Variants in FAM217A observed in about 807,000 individuals in gnomAD.
FAM217A encodes protein FAM217A.
FAM217A carries 13 observed loss-of-function variants against 18.5 expected under a neutral mutation model. The observed-to-expected ratio is 0.70, with a 90% CI of 0.46 to 1.12. The LOEUF (loss-of-function observed/expected upper bound fraction) is 1.12. Among genes scored for constraint, FAM217A ranks in the 50% most tolerant of loss-of-function variants. FAM217A has a pLI of 0.00. For synonymous variants in FAM217A, 161 were observed against 202.8 expected, an observed-to-expected ratio of 0.79 and a Z score of 1.75; for missense variants, 560 against 575.4, an observed-to-expected ratio of 0.97 and a Z score of 0.27.
chr6:4,085,311 A>AAATATATATATAT (rs377046907), intron 1 of FAM217A, among the ~76,000 whole-genome samples: 12 of 146,436 alleles, frequency 8.2e-5, no homozygotes, highest in Admixed American at 2.1e-4. Context: ...TGTAAAAAAA[A>AAATATATATATAT]ATATATATAT....
At chr6:4,076,580 T>C (rs995826811) in intron 2 of FAM217A, among the ~76,000 whole-genome samples, 2 of 152,140 alleles carry the variant, frequency 1.3e-5, no homozygotes, top group African/African-American at 4.8e-5. Context: ...AATTCTAAAA[T>C]AAAATTAATG....
In FAM217A at chr6:4,069,594, T is replaced by C; in HGVS notation, c.629A>G (p.Lys210Arg). The C allele has an allele frequency of 6.2e-7, 1 of 1,614,152 alleles. No individual in the cohort carries two copies. The highest frequency in any genetic ancestry group is 1.3e-5 in the African/African-American group (1 of 75,056). ...ATAGCTGAGTAAAGTATCATTTGTCTTCTCATTTTCTGATAAATCACTTTC... is the reference window on the plus strand; with the variant it reads ...ATAGCTGAGTAAAGTATCATTTGTCCTCTCATTTTCTGATAAATCACTTTC... ...TDESDLSENEKTNDTLLSYFK... is the reference protein window; with the variant it reads ...TDESDLSENERTNDTLLSYFK... Residue 210 changes from lysine (K) to arginine (R), a missense_variant, in exon 7 of 7, where the codon AAG becomes AGG. Lys to Arg is a conservative substitution (Grantham distance 26). Transcript: ENST00000274673.
At chr6:4,079,504 TC>T (rs1770114463), upstream of FAM217A, 1 of 629,116 alleles carries the variant, frequency 1.6e-6, no homozygotes, top group South Asian at 1.9e-5. Context: ...CTGGGCCTCC[TC>T]GGGCTTCCTT....
exon 2 of FAM217A, chr6:4,084,621 C>A: frequency 1.4e-6 from 1 of 702,950 alleles, no homozygotes; most frequent in South Asian, 1.5e-5. Flanking sequence ...CCTTTCTGGT[C>A]GTCAGACCCC....
chr6:4,082,746 C>T (rs1770382574), upstream of FAM217A, among the ~76,000 whole-genome samples: 1 of 152,218 alleles, frequency 6.6e-6, no homozygotes, highest in South Asian at 2.1e-4. Flanking sequence ...CTTTGTTGAA[C>T]CTAAGCATAA....
At chr6:4,087,165 C>G, upstream of FAM217A, 1 of 468,044 alleles carries the variant, frequency 2.1e-6, no homozygotes, top group Non-Finnish European at 3.5e-6. Flanking sequence ...CTACAAAGTA[C>G]CAGATGGGAA....
In FAM217A at chr6:4,073,274, C is replaced by T. The variant is rs769680926; in HGVS notation, c.302+1G>A. ...GTGTTACAAAATAACTACTCGCTTA[C>T]CTCTTCTCTATGGTACTTCCTTCAT... On this transcript the variant is annotated splice_donor_variant, in intron 6 of 6. Transcript: ENST00000274673. LOFTEE classifies it high-confidence loss of function. 25 of 1,600,806 alleles carry T rather than the reference C, an allele frequency of 1.6e-5. No individual in the cohort carries two copies. In the East Asian group the frequency reaches 5.2e-4, roughly 33 times the overall value.
At chr6:4,081,283 T>A (rs1770277298), upstream of FAM217A, among the ~76,000 whole-genome samples, 1 of 152,002 alleles carries the variant, frequency 6.6e-6, no homozygotes, top group South Asian at 2.1e-4. Context: ...TTATTCCTAT[T>A]TTATTTCTTA....
At chr6:4,079,176 C>G, upstream of FAM217A, 1 of 318,598 alleles carries the variant, frequency 3.1e-6, no homozygotes, top group Non-Finnish European at 5.7e-6. Context: ...GCGGGGGCGC[C>G]CGGGGAGGCC....
chr6:4,075,535 T>C (rs898303160), intron 2 of FAM217A, among the ~76,000 whole-genome samples: 1 of 152,044 alleles, frequency 6.6e-6, no homozygotes, highest in Admixed American at 6.6e-5. Flanking sequence ...TAATAACAAC[T>C]GAGTATTTAT....
chr6:4,084,819 C>T (rs1431875746), intron 1 of FAM217A: 2 of 701,202 alleles, frequency 2.9e-6, no homozygotes, highest in African/African-American at 3.5e-5. Flanking sequence ...CTCTTAGGAA[C>T]AGAAAAAGGA....
chr6:4,077,241 C>T (rs2075118276), intron 2 of FAM217A, 114 bp downstream of exon 2: 2 of 979,522 alleles, frequency 2.0e-6, no homozygotes, highest in Non-Finnish European at 3.1e-6. Flanking sequence ...ACAGGATAAA[C>T]TGCCCACGAT....
upstream of FAM217A, among the ~76,000 whole-genome samples, chr6:4,082,831 G>A (rs1049502096): frequency 2.6e-5 from 4 of 152,166 alleles, no homozygotes; most frequent in Non-Finnish European, 4.4e-5. Context: ...CTAAATAAAC[G>A]TGTATGCCTT....
chr6:4,084,653 C>G (rs1340921491), exon 2 of FAM217A: 1 of 702,978 alleles, frequency 1.4e-6, no homozygotes, highest in South Asian at 1.5e-5. Flanking sequence ...TTGTTGTGAA[C>G]AGAACACTTT....
chr6:4,077,219 C>A, intron 2 of FAM217A, 136 bp downstream of exon 2: 1 of 766,306 alleles, frequency 1.3e-6, no homozygotes, highest in Non-Finnish European at 2.1e-6. Context: ...CCAAATGTGC[C>A]AAAAGGAAAA....
chr6:4,073,570 A>G lies in FAM217A; in HGVS notation c.160-63T>C, dbSNP rs947834514. On this transcript the variant is annotated intron_variant, in intron 4 of 6. Transcript: ENST00000274673. ...TCTGTTCCCTATTCTTGTTCTAACA[A>G]TGTATAGTTCTTGTTCTAATCAAGG... is the stretch of plus-strand genomic sequence containing the variant. The G allele has an allele frequency of 8.3e-6, 11 of 1,329,578 alleles. 1 individual carries two copies. In the Admixed American group the frequency reaches 2.0e-4, roughly 24 times the overall value. The allele number at this position is 1,329,578 out of a possible 1,614,324, so 82.4% of individuals were successfully genotyped here. A position where few individuals can be genotyped will look rare whatever the true frequency, so the allele number is the denominator to read the frequency against.
chr6:4,085,311 A>AAATAT (rs377046907), intron 1 of FAM217A, among the ~76,000 whole-genome samples: 2,762 of 146,408 alleles, frequency 0.019, 28 homozygotes, highest in Admixed American at 0.028. Context: ...TGTAAAAAAA[A>AAATAT]ATATATATAT....
chr6:4,077,897 G>T (rs1195872066), intron 1 of FAM217A, among the ~76,000 whole-genome samples: 2 of 152,038 alleles, frequency 1.3e-5, no homozygotes, highest in Non-Finnish European at 2.9e-5. Context: ...ACAACAAAAT[G>T]CCCCCAGGAC....
chr6:4,074,684 A>T, intron 2 of FAM217A, 23 bp from the exon 3 acceptor site: 1 of 1,530,336 alleles, frequency 6.5e-7, no homozygotes, highest in South Asian at 1.1e-5. Context: ...TTGTTTTAGG[A>T]TAAACTTAAC....
Sources: allele counts gnomAD v4.1 joint callset (sites outside exome capture counted in the v4.1 genomes callset), GRCh38; gene constraint gnomAD v4.1.1; transcripts MANE v1.5; gene names NCBI Gene and HGNC (gene_info 2026-07-23, HGNC 2026-07-21).